Variants in PDE4B observed in about 807,000 individuals in gnomAD.
PDE4B encodes phosphodiesterase 4B.
Under a neutral mutation model 82.2 loss-of-function variants are expected in PDE4B, and 20 were observed. The ratio of observed to expected loss-of-function variants is 0.24; its 90% CI spans 0.17 to 0.35. The LOEUF (loss-of-function observed/expected upper bound fraction) is 0.35. Among genes scored for constraint, PDE4B ranks in the 10% least tolerant of loss-of-function variants. PDE4B has a pLI of 1.00. For missense variants in PDE4B, 655 were observed against 907.2 expected, an observed-to-expected ratio of 0.72 and a Z score of 3.57; for synonymous variants, 320 against 318.9, an observed-to-expected ratio of 1.00 and a Z score of -0.04.
At chr1:66,219,178 G>C (rs938809600) in intron 3 of PDE4B, among the ~76,000 whole-genome samples, 1 of 152,044 alleles carries the variant, frequency 6.6e-6, no homozygotes, top group African/African-American at 2.4e-5. Flanking sequence ...TTTCTAATAT[G>C]ATTTCTCCTG....
rs768056796 is a variant in PDE4B, at chr1:66,367,772, G to A, written c.1461G>A (p.Leu487=). The change falls in exon 14 of 17, where the codon CTG becomes CTA. Residue 487 remains leucine, a synonymous_variant. Coordinates refer to ENST00000341517, the MANE Select transcript of PDE4B (RefSeq NM_002600.4). ...ACCTTGCTGTGGGTTTCAAACTGCTGCAAGAAGAACACTGTGACATCTTCA... is the reference window on the plus strand; with the variant it reads ...ACCTTGCTGTGGGTTTCAAACTGCTACAAGAAGAACACTGTGACATCTTCA... ...NHHLAVGFKL[L]QEEHCDIFMN... 1.9e-6 allele frequency: 3 copies of A among 1,613,826 alleles called. No homozygotes were observed. Among genetic ancestry groups the A allele is most frequent in the Admixed American group, 1.7e-5 (1 of 60,002 alleles).
chr1:66,300,097 T>C (rs919851823), intron 7 of PDE4B, among the ~76,000 whole-genome samples: 1 of 152,194 alleles, frequency 6.6e-6, no homozygotes, highest in East Asian at 1.9e-4. Context: ...TTTTACCTTC[T>C]TCAGCCATGT....
intron 1 of PDE4B, among the ~76,000 whole-genome samples, chr1:65,814,473 G>C (rs1238172707): frequency 6.6e-6 from 1 of 152,048 alleles, no homozygotes; most frequent in East Asian, 1.9e-4. Context: ...TACTGCTTAA[G>C]TACAATAAGT....
chr1:66,074,934 G>A (rs1656340297), intron 3 of PDE4B, among the ~76,000 whole-genome samples: 1 of 152,036 alleles, frequency 6.6e-6, no homozygotes. Context: ...GAATAGTTGT[G>A]ATGTAGAGCA....
At chr1:66,022,405 C>T (rs1653180107) in intron 3 of PDE4B, among the ~76,000 whole-genome samples, 1 of 152,118 alleles carries the variant, frequency 6.6e-6, no homozygotes, top group Non-Finnish European at 1.5e-5. Flanking sequence ...GGGAATGCTT[C>T]CAGTTTGTGC....
intron 3 of PDE4B, among the ~76,000 whole-genome samples, chr1:66,135,782 AT>A: frequency 6.6e-6 from 1 of 152,298 alleles, no homozygotes; most frequent in Admixed American, 6.5e-5. Context: ...CTCGTGGTCA[AT>A]TTTTGCTCTC....
At chr1:65,877,903 A>G (rs1397035266) in intron 1 of PDE4B, among the ~76,000 whole-genome samples, 1 of 152,150 alleles carries the variant, frequency 6.6e-6, no homozygotes, top group Non-Finnish European at 1.5e-5. Flanking sequence ...ATTAAACTAA[A>G]GAGGTTCTGC....
intron 1 of PDE4B, among the ~76,000 whole-genome samples, chr1:65,870,861 C>T (rs1432068319): frequency 2.0e-5 from 3 of 152,000 alleles, no homozygotes; most frequent in Non-Finnish European, 1.5e-5. Context: ...TAGGTAGGTC[C>T]AGGTAATATT....
intron 7 of PDE4B, among the ~76,000 whole-genome samples, chr1:66,328,070 G>A (rs181186030): frequency 1.5e-3 from 222 of 152,312 alleles, no homozygotes; most frequent in African/African-American, 4.7e-3. Flanking sequence ...AAAGATTAAC[G>A]AATAGTGTGC....
intron 3 of PDE4B, among the ~76,000 whole-genome samples, chr1:66,108,646 A>G (rs1319766002): frequency 6.6e-6 from 1 of 151,062 alleles, no homozygotes; most frequent in African/African-American, 2.4e-5. Flanking sequence ...TTGAAAAGAC[A>G]TACGAATGGC....
chr1:66,354,569 G>A, intron 8 of PDE4B: 1 of 1,256,068 alleles, frequency 8.0e-7, no homozygotes, highest in Non-Finnish European at 1.0e-6. Context: ...GAATACATTT[G>A]GACAGGCTCT....
chr1:65,938,294 C>A (rs1022186778), intron 3 of PDE4B, among the ~76,000 whole-genome samples: 4 of 152,172 alleles, frequency 2.6e-5, no homozygotes, highest in African/African-American at 9.6e-5. Flanking sequence ...ACACCACCCC[C>A]ATCTTGACTT....
intron 3 of PDE4B, among the ~76,000 whole-genome samples, chr1:66,004,171 T>C (rs1652022371): frequency 6.6e-6 from 1 of 152,194 alleles, no homozygotes; most frequent in Non-Finnish European, 1.5e-5. Flanking sequence ...TGTATGATGG[T>C]TAGTATAATC....
chr1:65,792,862 G>A (rs1017948920), upstream of PDE4B, among the ~76,000 whole-genome samples: 3 of 152,060 alleles, frequency 2.0e-5, no homozygotes, highest in Non-Finnish European at 2.9e-5. Flanking sequence ...GGGGGGCGGG[G>A]GTGGACAGTA....
At chr1:66,041,398 A>G (rs1654362670) in intron 3 of PDE4B, among the ~76,000 whole-genome samples, 1 of 151,990 alleles carries the variant, frequency 6.6e-6, no homozygotes, top group African/African-American at 2.4e-5. Flanking sequence ...TCCAAGGCTG[A>G]CAATCGTTAT....
intron 3 of PDE4B, among the ~76,000 whole-genome samples, chr1:66,089,492 T>C (rs562149089): frequency 1.3e-5 from 2 of 152,196 alleles, no homozygotes; most frequent in African/African-American, 4.8e-5. Context: ...CTGACATAGA[T>C]CTTTTCACAT....
intron 3 of PDE4B, among the ~76,000 whole-genome samples, chr1:66,057,552 T>C (rs1424495772): frequency 1.3e-5 from 2 of 151,968 alleles, no homozygotes; most frequent in African/African-American, 4.8e-5. Flanking sequence ...AAGAAAGAGG[T>C]TTATTGGACT....
At chr1:66,371,094 C>CTATA (rs557320202) in intron 16 of PDE4B, among the ~76,000 whole-genome samples, 5,406 of 74,378 alleles carry the variant, frequency 0.073, 347 homozygotes, top group Non-Finnish European at 0.11. Flanking sequence ...ACACATCATA[C>CTATA]TATATATATA....
At chr1:66,031,315 C>G (rs1432640332) in intron 3 of PDE4B, among the ~76,000 whole-genome samples, 2 of 151,930 alleles carry the variant, frequency 1.3e-5, no homozygotes, top group African/African-American at 4.8e-5. Context: ...ACCTCTCATT[C>G]CTTTATAGAG....
Sources: gnomAD v4.1 joint callset for allele counts (sites outside exome capture counted in the v4.1 genomes callset) on GRCh38, gnomAD v4.1.1 for gene constraint, MANE v1.5 for transcripts, NCBI Gene and HGNC (gene_info 2026-07-23, HGNC 2026-07-21) for gene names.